The following TNK2 variants were observed in gnomAD, a reference collection of about 807,000 sequenced individuals.
TNK2 encodes the protein tyrosine kinase non receptor 2, also known as activated CDC42 kinase 1.
TNK2 carries 83 observed loss-of-function variants against 101.8 expected under a neutral mutation model. The observed-to-expected ratio is 0.82, with a 90% CI of 0.68 to 0.98. TNK2 has a LOEUF of 0.98. TNK2 is among the 50% of genes least tolerant of loss of function. The pLI is 0.00. For synonymous variants in TNK2, 804 were observed against 633.0 expected (o/e 1.27, Z -4.06); for missense variants, 1,665 against 1,483.2 (o/e 1.12, Z -2.01).
chr3:195,865,341 C>T (rs1207776343), intron 15 of TNK2, among the ~76,000 whole-genome samples: 2 of 146,290 alleles, frequency 1.4e-5, no homozygotes, highest in African/African-American at 5.1e-5. Flanking sequence ...CGAGTGCCTG[C>T]GTCCCGGGTG....
At chr3:195,906,356 A>C (rs145626266) in intron 1 of TNK2, among the ~76,000 whole-genome samples, 244 of 152,384 alleles carry the variant, frequency 1.6e-3, no homozygotes, top group African/African-American at 5.6e-3. Flanking sequence ...GTACATCCAC[A>C]CAAAGACTAA....
chr3:195,885,860 C>G lies in TNK2; in HGVS notation c.235-827G>C, dbSNP rs1401868184. 6.8e-5 allele frequency: 22 copies of G among 322,394 alleles called. 1 individual carries two copies. Among genetic ancestry groups the G allele is most frequent in the South Asian group, 5.2e-4 (21 of 40,214 alleles). 20.0% of individuals were successfully genotyped at this position (322,394 alleles called of 1,614,324 possible). A position where few individuals can be genotyped will look rare whatever the true frequency, so the allele number is the denominator to read the frequency against. On this transcript the variant is annotated intron_variant, in intron 3 of 15. Coordinates refer to ENST00000672887, the MANE Select transcript of TNK2 (RefSeq NM_001382273.1). This position sits in a 1 kb window ranked among gnomAD's most constrained non-coding sequence, Gnocchi z 4.7. ...TGCAGATTCTTGCCAGCTTGGGTCT[C>G]ACGCCCCCAGAGCTGGTGGATCCTT... is the stretch of plus-strand genomic sequence containing the variant.
chr3:195,887,349 C>T (rs1318900760), intron 2 of TNK2, among the ~76,000 whole-genome samples: 1 of 152,192 alleles, frequency 6.6e-6, no homozygotes, highest in Non-Finnish European at 1.5e-5. Flanking sequence ...AGGTTTTTTT[C>T]CCTCCGTAAA....
At chr3:195,893,032 G>C (rs1044213222) in intron 1 of TNK2, among the ~76,000 whole-genome samples, 45 of 151,992 alleles carry the variant, frequency 3.0e-4, no homozygotes, top group African/African-American at 8.9e-4. Context: ...GGGACTTTAG[G>C]GTGGCGGCTA....
intron 10 of TNK2, chr3:195,870,411 C>T (rs759081444): frequency 3.3e-4 from 466 of 1,432,428 alleles, no homozygotes; most frequent in Non-Finnish European, 4.2e-4. Flanking sequence ...ACACCTGACC[C>T]CAGGATGGAA....
intron 4 of TNK2, chr3:195,884,458 C>G (rs527399749): frequency 5.2e-6 from 1 of 193,820 alleles, no homozygotes; most frequent in African/African-American, 2.3e-5. Flanking sequence ...GCCTGGCCAA[C>G]ATGGTGAAAC....
At chr3:195,881,486 C>CG (rs1752818117) in intron 6 of TNK2, among the ~76,000 whole-genome samples, 1 of 119,092 alleles carries the variant, frequency 8.4e-6, no homozygotes, top group Admixed American at 8.0e-5. Flanking sequence ...CTCTAACACC[C>CG]CCCCCAGCAA....
At chr3:195,877,361 C>T (rs1022806669) in intron 9 of TNK2, among the ~76,000 whole-genome samples, 7 of 152,078 alleles carry the variant, frequency 4.6e-5, no homozygotes, top group African/African-American at 1.7e-4. Context: ...CTCCACACAG[C>T]CCCCCAGGTC....
At chr3:195,887,935 C>T (rs1253242657) in intron 2 of TNK2, among the ~76,000 whole-genome samples, 1 of 132,566 alleles carries the variant, frequency 7.5e-6, no homozygotes, top group South Asian at 2.4e-4. Context: ...CACGTGTGTG[C>T]GCATGTGCGT....
intron 4 of TNK2, chr3:195,883,973 G>A (rs940495614): frequency 1.3e-5 from 2 of 152,440 alleles, no homozygotes; most frequent in African/African-American, 4.8e-5. Flanking sequence ...GCTTCCCCGG[G>A]AGAAGGACGC....
chr3:195,867,019 G>C lies in TNK2; in HGVS notation c.3034-3C>G. ...CCCAGCCCGAAGAGCTGCTCCACCTGGGGGTAAGGGTGGCGCCATGGACAC... is the reference window on the plus strand; with the variant it reads ...CCCAGCCCGAAGAGCTGCTCCACCTCGGGGTAAGGGTGGCGCCATGGACAC... On this transcript the variant is annotated splice_region_variant and splice_polypyrimidine_tract_variant and intron_variant, in intron 14 of 15. Transcript: ENST00000672887. The C allele has an allele frequency of 6.2e-7, 1 of 1,612,986 alleles. No individual in the cohort carries two copies. The highest frequency in any genetic ancestry group is 1.3e-5 in the African/African-American group (1 of 75,042).
intron 1 of TNK2, among the ~76,000 whole-genome samples, chr3:195,904,024 G>T (rs1057198726): frequency 6.6e-6 from 1 of 152,016 alleles, no homozygotes; most frequent in Non-Finnish European, 1.5e-5. Context: ...CAGCCAAAAG[G>T]TGAAAGCCGC....
intron 1 of TNK2, among the ~76,000 whole-genome samples, chr3:195,900,594 G>C (rs1051276460): frequency 6.6e-6 from 1 of 152,200 alleles, no homozygotes; most frequent in African/African-American, 2.4e-5. Context: ...TGTGCTCCTG[G>C]ACCATCGCTC....
intron 9 of TNK2, chr3:195,872,722 G>A (rs1026726545): frequency 2.0e-6 from 1 of 493,444 alleles, no homozygotes; most frequent in Admixed American, 3.8e-5. Context: ...TTGCAAATAA[G>A]GAGGCACGCT....
intron 10 of TNK2, 81 bp from the exon 11 acceptor site, chr3:195,870,286 T>C (rs1744144292): frequency 6.3e-7 from 1 of 1,577,580 alleles, no homozygotes; most frequent in Non-Finnish European, 8.6e-7. Flanking sequence ...CCCTTCGTCC[T>C]GGAGGAAACC....
Position 195,867,784 on chromosome 3 carries a change from T to C in TNK2, c.2514A>G (p.Ser838=). 1 of 1,577,448 alleles carries C rather than the reference T, an allele frequency of 6.3e-7. No individual in the cohort carries two copies. Among genetic ancestry groups the C allele is most frequent in the Non-Finnish European group, 8.6e-7 (1 of 1,164,138 alleles). The change falls in exon 13 of 16, where the codon TCA becomes TCG. Residue 838 remains serine, a synonymous_variant. Coordinates refer to ENST00000672887, the MANE Select transcript of TNK2 (RefSeq NM_001382273.1). The part of the protein sequence containing the change: ...KTMPTTQSFA[S]DPKYATPQVI... ...CCTGGGGGGTGGCGTACTTGGGGTC[T>C]GAGGCAAAGCTCTGGGTGGTGGGCA...
chr3:195,882,438 C>T lies in TNK2; in HGVS notation c.610-110G>A, dbSNP rs1402878465. On this transcript the variant is annotated intron_variant, in intron 5 of 15. Transcript: ENST00000672887. This position sits in a 1 kb window ranked among gnomAD's most constrained non-coding sequence, Gnocchi z 4.2. ...CTGAAGGCTTTCCAGAGCCAGGCTGCACGCACCTTCCTGGCCTGCTGTCTG... is the reference window on the plus strand; with the variant it reads ...CTGAAGGCTTTCCAGAGCCAGGCTGTACGCACCTTCCTGGCCTGCTGTCTG... 6.4e-7 allele frequency: 1 copy of T among 1,560,172 alleles called. No individual in the cohort carries two copies. The highest frequency in any genetic ancestry group is 1.2e-5 in the South Asian group (1 of 84,966).
At chr3:195,880,203 C>T (rs1464995856) in intron 6 of TNK2, among the ~76,000 whole-genome samples, 3 of 152,072 alleles carry the variant, frequency 2.0e-5, no homozygotes, top group Non-Finnish European at 4.4e-5. Flanking sequence ...AGGGCAGGGC[C>T]AAGTACCACC....
intron 1 of TNK2, among the ~76,000 whole-genome samples, chr3:195,898,424 CCACCACGG>C (rs1180942150): frequency 1.1e-4 from 16 of 152,180 alleles, no homozygotes; most frequent in African/African-American, 3.6e-4. Context: ...CATGAAGAGT[CCACCACGG>C]CACCTGGCTG....
Sources: allele counts gnomAD v4.1 joint callset (sites outside exome capture counted in the v4.1 genomes callset), GRCh38; gene constraint gnomAD v4.1.1; non-coding constraint Gnocchi (gnomAD v3.1); transcripts MANE v1.5; gene names NCBI Gene and HGNC (gene_info 2026-07-23, HGNC 2026-07-21).